Variants in KAZN observed in about 807,000 individuals in gnomAD.
KAZN encodes the protein kazrin, periplakin interacting protein.
A neutral mutation model predicts 87.4 loss-of-function variants in KAZN; 40 were observed. That is an observed-to-expected ratio of 0.46 (90% CI 0.36 to 0.60). KAZN has a LOEUF of 0.60. Ranked by LOEUF, KAZN falls within the 20% of genes least tolerant of loss-of-function variation. KAZN has a pLI of 0.00. For synonymous variants in KAZN, 466 were observed against 458.3 expected (o/e 1.02, Z -0.22); for missense variants, 898 against 1,073.9 (o/e 0.84, Z 2.29).
chr1:14,129,287 C>A (rs1358802433), intron 1 of KAZN, among the ~76,000 whole-genome samples: 2 of 152,146 alleles, frequency 1.3e-5, no homozygotes, highest in African/African-American at 2.4e-5. Context: ...GTCTTTGGAC[C>A]CCAGCTTTGT....
intron 1 of KAZN, among the ~76,000 whole-genome samples, chr1:14,025,674 C>G (rs1641037892): frequency 6.6e-6 from 1 of 152,178 alleles, no homozygotes; most frequent in African/African-American, 2.4e-5. Context: ...CTGGCCACAT[C>G]TGACCATTGA....
intron 2 of KAZN, among the ~76,000 whole-genome samples, chr1:14,349,639 T>C (rs1406015927): frequency 2.0e-5 from 3 of 152,074 alleles, no homozygotes; most frequent in South Asian, 2.1e-4. Context: ...TAGGCCCCTA[T>C]AGACATTTGA....
chr1:14,367,172 T>A (rs1403494809), intron 2 of KAZN, among the ~76,000 whole-genome samples: 1 of 152,078 alleles, frequency 6.6e-6, no homozygotes, highest in Non-Finnish European at 1.5e-5. Flanking sequence ...GAGGTTGCAG[T>A]GAACTAAGAT....
At chr1:14,383,904 GCAGTATGGC>G (rs1661618527) in intron 2 of KAZN, among the ~76,000 whole-genome samples, 1 of 151,858 alleles carries the variant, frequency 6.6e-6, no homozygotes, top group Admixed American at 6.6e-5. Flanking sequence ...ATTACCTTGG[GCAGTATGGC>G]CATTTTCACA....
intron 2 of KAZN, among the ~76,000 whole-genome samples, chr1:14,510,576 C>A (rs1224415269): frequency 6.6e-6 from 1 of 152,196 alleles, no homozygotes; most frequent in Non-Finnish European, 1.5e-5. Context: ...ATAGTGAGCT[C>A]TCTCAGGAAT....
chr1:15,038,295 A>G (rs1672541351), intron 3 of KAZN, among the ~76,000 whole-genome samples: 1 of 152,106 alleles, frequency 6.6e-6, no homozygotes, highest in African/African-American at 2.4e-5. Context: ...GAGGGTGCTG[A>G]GCAGAGTCCA....
At chr1:14,790,474 T>G (rs1435687880) in intron 1 of KAZN, among the ~76,000 whole-genome samples, 6 of 152,156 alleles carry the variant, frequency 3.9e-5, no homozygotes, top group Non-Finnish European at 5.9e-5. Flanking sequence ...CCATTTTAAG[T>G]GTACAATTCA....
At chr1:14,497,168 C>T (rs1204276700) in intron 2 of KAZN, among the ~76,000 whole-genome samples, 2 of 151,964 alleles carry the variant, frequency 1.3e-5, no homozygotes, top group Non-Finnish European at 2.9e-5. Context: ...ACTCTGATAG[C>T]GATAAAACAC....
intron 1 of KAZN, among the ~76,000 whole-genome samples, chr1:14,058,840 A>G (rs1048087041): frequency 1.3e-5 from 2 of 152,224 alleles, no homozygotes; most frequent in African/African-American, 2.4e-5. Flanking sequence ...CCAGCATGCA[A>G]TGAGAGGTGA....
chr1:14,202,250 C>A (rs1056230042), intron 2 of KAZN, among the ~76,000 whole-genome samples: 1 of 152,210 alleles, frequency 6.6e-6, no homozygotes, highest in Non-Finnish European at 1.5e-5. Flanking sequence ...TCTTCCTTGT[C>A]TGGGGTAGAA....
intron 1 of KAZN, among the ~76,000 whole-genome samples, chr1:14,645,912 G>T (rs1680774355): frequency 6.6e-6 from 1 of 152,154 alleles, no homozygotes; most frequent in Non-Finnish European, 1.5e-5. Flanking sequence ...TTATTTTGAG[G>T]TATGTTCAAA....
chr1:14,663,400 C>T (rs1490141046), intron 1 of KAZN, among the ~76,000 whole-genome samples: 1 of 152,130 alleles, frequency 6.6e-6, no homozygotes, highest in Non-Finnish European at 1.5e-5. Context: ...GGAGCCAAGC[C>T]CAGACCTACC....
intron 1 of KAZN, among the ~76,000 whole-genome samples, chr1:14,893,263 G>A (rs573849345): frequency 2.0e-5 from 3 of 152,338 alleles, no homozygotes; most frequent in East Asian, 1.9e-4. Flanking sequence ...CCACTTGGGA[G>A]GCTGAGGCAG....
intron 1 of KAZN, among the ~76,000 whole-genome samples, chr1:14,645,254 T>C (rs1680725981): frequency 6.6e-6 from 1 of 152,228 alleles, no homozygotes; most frequent in South Asian, 2.1e-4. Flanking sequence ...AGCTTTGTTC[T>C]TTTTGCTTGA....
At chr1:15,005,179 C>T (rs1177904686) in intron 2 of KAZN, among the ~76,000 whole-genome samples, 1 of 152,144 alleles carries the variant, frequency 6.6e-6, no homozygotes, top group East Asian at 1.9e-4. Context: ...ACTTTGATTG[C>T]TTAAAATCAT....
intron 1 of KAZN, among the ~76,000 whole-genome samples, chr1:14,922,117 C>T (rs113785058): frequency 1.3e-3 from 194 of 152,248 alleles, no homozygotes; most frequent in African/African-American, 4.3e-3. Context: ...TGTTTCTTTG[C>T]GGAAGTGAAA....
intron 2 of KAZN, among the ~76,000 whole-genome samples, chr1:14,205,878 C>T (rs1178325093): frequency 0.019 from 27 of 1,402 alleles, no homozygotes; most frequent in African/African-American, 0.067. Context: ...GAGCAAGACA[C>T]TGTCTCAAAA....
chr1:14,920,276 G>GTTTTTTTTTT lies in KAZN; in HGVS notation c.227-40397_227-40388dup, dbSNP rs55641056. Reference sequence around the variant, plus strand: ...TTTTTCTGTCTGCAGCCTCTTTTCTGTTTTTTTTTTTTTTTTTTTTGGGTG... The same window carrying GTTTTTTTTTT: ...TTTTTCTGTCTGCAGCCTCTTTTCTGTTTTTTTTTTTTTTTTTTTTTTTTTTTTTTGGGTG... On this transcript the variant is annotated intron_variant, in intron 1 of 14. Coordinates refer to ENST00000376030, the MANE Select transcript of KAZN (RefSeq NM_201628.3). Among the ~76,000 whole-genome samples the GTTTTTTTTTT allele has an allele frequency of 4.2e-5, 4 of 94,158 alleles. 1 individual carries two copies. The highest frequency in any genetic ancestry group is 4.0e-5 in the Non-Finnish European group (2 of 50,008). The allele number at this position is 94,158 out of a possible 152,430, so 61.8% of individuals were successfully genotyped here.
intron 2 of KAZN, among the ~76,000 whole-genome samples, chr1:14,506,936 G>T (rs1670615900): frequency 6.6e-6 from 1 of 152,198 alleles, no homozygotes; most frequent in African/African-American, 2.4e-5. Context: ...ATTCAGGAAA[G>T]ATTAGGCTGA....
Sources: gnomAD v4.1 joint callset for allele counts (sites outside exome capture counted in the v4.1 genomes callset) on GRCh38, gnomAD v4.1.1 for gene constraint, MANE v1.5 for transcripts, NCBI Gene and HGNC (gene_info 2026-07-23, HGNC 2026-07-21) for gene names.